Variants in RCL1 observed in about 807,000 individuals in gnomAD.
The protein encoded by RCL1 is RNA 3'-terminal phosphate cyclase-like protein.
Under a neutral mutation model 42.4 loss-of-function variants are expected in RCL1, and 24 were observed. The observed-to-expected ratio is 0.57, with a 90% CI of 0.41 to 0.80. The LOEUF (loss-of-function observed/expected upper bound fraction) is 0.80, where lower values mean the gene tolerates loss of function less well. Ranked by LOEUF, RCL1 falls within the 30% of genes least tolerant of loss-of-function variation. RCL1 has a pLI of 0.00. For synonymous variants in RCL1, 228 were observed against 177.3 expected (o/e 1.29, Z -2.27); for missense variants, 578 against 467.9 (o/e 1.24, Z -2.17).
chr9:4,832,206 A>C (rs904765506), intron 3 of RCL1, among the ~76,000 whole-genome samples: 3 of 152,234 alleles, frequency 2.0e-5, no homozygotes, highest in African/African-American at 7.2e-5. Context: ...GGAGGAGATA[A>C]CAGTTACACG....
Position 4,849,511 on chromosome 9 carries a change from AT to A in RCL1, c.933del (p.Asp311GlufsTer7). ...ALLLMTLGQQ[D>X]VSKVLLGPLS... Reference sequence around the variant, plus strand: ...CTACTCATGACCCTTGGACAGCAGGATGTTTCCAAAGTCCTGCTAGGCCCTC... The same window carrying A: ...CTACTCATGACCCTTGGACAGCAGGAGTTTCCAAAGTCCTGCTAGGCCCTC... On this transcript the variant is annotated frameshift_variant, in exon 8 of 9. Coordinates refer to ENST00000381750, the MANE Select transcript of RCL1 (RefSeq NM_005772.5). LOFTEE classifies it high-confidence loss of function. The A allele has an allele frequency of 6.2e-7, 1 of 1,613,718 alleles. No individual in the cohort carries two copies. The highest frequency in any genetic ancestry group is 1.1e-5 in the South Asian group (1 of 91,058).
At chr9:4,829,973 G>T (rs1176201833) in intron 3 of RCL1, among the ~76,000 whole-genome samples, 1 of 152,202 alleles carries the variant, frequency 6.6e-6, no homozygotes, top group East Asian at 1.9e-4. Context: ...CTGCCCCATG[G>T]TCCAAGGGAC....
intron 8 of RCL1, among the ~76,000 whole-genome samples, chr9:4,852,212 ATTTT>A (rs1817778586): frequency 6.6e-6 from 1 of 151,926 alleles, no homozygotes; most frequent in Non-Finnish European, 1.5e-5. Flanking sequence ...GGCCCAAGAG[ATTTT>A]TTTTCAGTAG....
chr9:4,812,747 T>G (rs1012838607), intron 1 of RCL1, among the ~76,000 whole-genome samples: 1 of 152,166 alleles, frequency 6.6e-6, no homozygotes, highest in Admixed American at 6.5e-5. Flanking sequence ...CCATTTTTTT[T>G]GTGTGTGTCC....
intron 6 of RCL1, among the ~76,000 whole-genome samples, chr9:4,844,141 C>G (rs1183123402): frequency 6.6e-6 from 1 of 152,012 alleles, no homozygotes; most frequent in African/African-American, 2.4e-5. Context: ...TGGCTAGTCT[C>G]CTGCCAGACA....
intron 1 of RCL1, among the ~76,000 whole-genome samples, chr9:4,797,806 A>G (rs547120182): frequency 6.6e-6 from 1 of 152,300 alleles, no homozygotes; most frequent in South Asian, 2.1e-4. Flanking sequence ...CTTCAGGCAA[A>G]TCATTGAATC....
intron 1 of RCL1, among the ~76,000 whole-genome samples, chr9:4,814,210 C>A (rs1816288422): frequency 8.5e-6 from 1 of 117,234 alleles, no homozygotes; most frequent in Non-Finnish European, 2.0e-5. Flanking sequence ...TTGTCATATA[C>A]AGCCTTTATT....
chr9:4,815,965 T>C (rs970685773), intron 1 of RCL1, among the ~76,000 whole-genome samples: 4 of 152,134 alleles, frequency 2.6e-5, no homozygotes, highest in African/African-American at 9.7e-5. Context: ...GGCATTTCCT[T>C]CTGCTCTCTC....
intron 7 of RCL1, 46 bp from the exon 8 acceptor site, chr9:4,849,401 G>T: frequency 7.0e-7 from 1 of 1,427,030 alleles, no homozygotes; most frequent in South Asian, 1.2e-5. Flanking sequence ...CTCTTTTGTT[G>T]GCTTTCCATT....
intron 8 of RCL1, among the ~76,000 whole-genome samples, chr9:4,857,587 T>C (rs1818004310): frequency 6.6e-6 from 1 of 152,264 alleles, no homozygotes; most frequent in South Asian, 2.1e-4. Context: ...GTGCAAGTTT[T>C]TGTGTGGGTG....
At chr9:4,825,095 A>G (rs1314433390) in intron 2 of RCL1, among the ~76,000 whole-genome samples, 2 of 142,270 alleles carry the variant, frequency 1.4e-5, no homozygotes, top group African/African-American at 5.2e-5. Flanking sequence ...TTTTTTTTTT[A>G]GTAGAGACAG....
At chr9:4,859,519 C>T (rs1018956181) in intron 8 of RCL1, among the ~76,000 whole-genome samples, 1 of 152,012 alleles carries the variant, frequency 6.6e-6, no homozygotes. Context: ...ACAGTAGGCA[C>T]TTGATACATA....
intron 3 of RCL1, chr9:4,827,422 C>G (rs1816799428): frequency 2.0e-6 from 1 of 490,646 alleles, no homozygotes; most frequent in African/African-American, 1.9e-5. Flanking sequence ...ATCATAGCTC[C>G]TTGGCATTGT....
intron 1 of RCL1, among the ~76,000 whole-genome samples, chr9:4,823,312 A>G (rs1321227151): frequency 6.7e-6 from 1 of 148,764 alleles, no homozygotes; most frequent in Non-Finnish European, 1.5e-5. Flanking sequence ...TTACAATGTG[A>G]AAGCTGAATT....
chr9:4,856,727 G>A (rs905897856), intron 8 of RCL1, among the ~76,000 whole-genome samples: 1 of 152,210 alleles, frequency 6.6e-6, no homozygotes, highest in Non-Finnish European at 1.5e-5. Context: ...TTTAAAGGTC[G>A]AGATGAAGTT....
chr9:4,814,026 C>T (rs371367342), intron 1 of RCL1, among the ~76,000 whole-genome samples: 48 of 152,106 alleles, frequency 3.2e-4, no homozygotes, highest in East Asian at 7.7e-4. Flanking sequence ...CTTCACACAC[C>T]GGGGCCTGTC....
At chr9:4,833,112 G>A in intron 3 of RCL1, 42 bp from the exon 4 acceptor site, 1 of 1,370,834 alleles carries the variant, frequency 7.3e-7, no homozygotes, top group Non-Finnish European at 1.0e-6. Context: ...GTATTCTGCT[G>A]AAGGCTTAAT....
intron 3 of RCL1, among the ~76,000 whole-genome samples, chr9:4,831,321 C>T (rs549116431): frequency 6.7e-6 from 1 of 148,794 alleles, no homozygotes; most frequent in Admixed American, 6.6e-5. Context: ...CTTTTTTTCC[C>T]TCGAGAGAGC....
chr9:4,820,035 TTGCCA>T (rs1816535812), intron 1 of RCL1, among the ~76,000 whole-genome samples: 1 of 152,250 alleles, frequency 6.6e-6, no homozygotes, highest in Admixed American at 6.5e-5. Context: ...TTACAGCTCC[TTGCCA>T]TGCCTCTACT....
Sources: gnomAD v4.1 joint callset for allele counts (sites outside exome capture counted in the v4.1 genomes callset) on GRCh38, gnomAD v4.1.1 for gene constraint, MANE v1.5 for transcripts, NCBI Gene and HGNC (gene_info 2026-07-23, HGNC 2026-07-21) for gene names.